ERBB4: variants seen among roughly 807,000 people sequenced by gnomAD.
ERBB4 encodes the protein erb-b2 receptor tyrosine kinase 4.
A neutral mutation model predicts 158.0 loss-of-function variants in ERBB4; 42 were observed. That is an observed-to-expected ratio of 0.27 (90% CI 0.21 to 0.34). The LOEUF is 0.34. Among genes scored for constraint, ERBB4 ranks in the 10% least tolerant of loss-of-function variants. ERBB4 has a pLI of 1.00. For missense variants in ERBB4, 1,333 were observed against 1,624.1 expected, an observed-to-expected ratio of 0.82 and a Z score of 3.08; for synonymous variants, 583 against 558.7, an observed-to-expected ratio of 1.04 and a Z score of -0.61.
rs1559409127 is a variant in ERBB4, at chr2:211,678,314, CA to C, written c.1622+737del. 6.6e-3 allele frequency among the ~76,000 whole-genome samples: 114 copies of C among 17,234 alleles called. 1 individual carries two copies. Among genetic ancestry groups the C allele is most frequent in the African/African-American group, 0.018 (107 of 6,002 alleles). The allele number at this position is 17,234 out of a possible 152,430, so 11.3% of individuals were successfully genotyped here. ...AAACAAACAAACAAAAAAAAACAAA[CA>C]AACAAAAAAAAAAAAACAAGAAAAC... On this transcript the variant is annotated intron_variant, in intron 13 of 27. Transcript: ENST00000342788.
chr2:212,241,887 G>T (rs2084120502), intron 1 of ERBB4, among the ~76,000 whole-genome samples: 1 of 151,472 alleles, frequency 6.6e-6, no homozygotes, highest in African/African-American at 2.4e-5. Flanking sequence ...TTAATAACAA[G>T]ATGATCTAAA....
intron 3 of ERBB4, among the ~76,000 whole-genome samples, chr2:211,870,009 C>T (rs1449011590): frequency 6.6e-6 from 1 of 152,124 alleles, no homozygotes; most frequent in Non-Finnish European, 1.5e-5. Flanking sequence ...AGTAAGACTT[C>T]ACTGTCCTCC....
At chr2:212,165,909 A>T (rs1482907896) in intron 1 of ERBB4, among the ~76,000 whole-genome samples, 9 of 152,098 alleles carry the variant, frequency 5.9e-5, no homozygotes, top group Non-Finnish European at 1.3e-4. Context: ...TTTTTTCATA[A>T]CACTTTAATT....
chr2:212,083,948 C>T (rs1038913270), intron 2 of ERBB4, among the ~76,000 whole-genome samples: 3 of 148,010 alleles, frequency 2.0e-5, no homozygotes, highest in African/African-American at 7.4e-5. Flanking sequence ...AGATCCACTA[C>T]AACCTGCCTA....
rs374912767 is a variant in ERBB4, at chr2:212,076,342, T to C, written c.234+48410A>G. On this transcript the variant is annotated intron_variant, in intron 2 of 27. Transcript: ENST00000342788. ...AGTGTTAGATCATGAGAGAGATAAA[T>C]ATTGAATAAGACAGATGTTTTAATC... Among the ~76,000 whole-genome samples, 50 of 152,106 alleles carry C rather than the reference T, an allele frequency of 3.3e-4. 2 individuals are homozygous for C. In the South Asian group the frequency reaches 0.01, roughly 31 times the overall value.
intron 20 of ERBB4, among the ~76,000 whole-genome samples, chr2:211,559,576 T>G (rs891282150): frequency 2.0e-5 from 3 of 152,206 alleles, no homozygotes; most frequent in African/African-American, 7.2e-5. Flanking sequence ...TGCCTAAATA[T>G]TATTCTCATA....
intron 1 of ERBB4, among the ~76,000 whole-genome samples, chr2:212,419,697 G>T (rs1574884653): frequency 6.6e-6 from 1 of 151,712 alleles, no homozygotes; most frequent in African/African-American, 2.4e-5. Flanking sequence ...CTACTGTTGT[G>T]AGGAATGAAA....
At chr2:211,581,786 C>T (rs937505963) in intron 19 of ERBB4, among the ~76,000 whole-genome samples, 1 of 151,940 alleles carries the variant, frequency 6.6e-6, no homozygotes, top group African/African-American at 2.4e-5. Context: ...CTGAGGCAGG[C>T]AGATCACGAG....
At chr2:211,623,022 TATATATATATATATATATATATAA>T (rs1171901511) in intron 18 of ERBB4, among the ~76,000 whole-genome samples, 12 of 73,380 alleles carry the variant, frequency 1.6e-4, no homozygotes, top group African/African-American at 1.0e-3. Flanking sequence ...TATATATATA[TATATATATATATATATATATATAA>T]AATGCCAAAG....
intron 2 of ERBB4, among the ~76,000 whole-genome samples, chr2:212,049,844 C>T (rs575071785): frequency 2.0e-5 from 3 of 152,142 alleles, no homozygotes; most frequent in Non-Finnish European, 4.4e-5. Flanking sequence ...AACGATTCCA[C>T]CATAATTTGC....
chr2:212,392,162 C>T (rs574428479), intron 1 of ERBB4, among the ~76,000 whole-genome samples: 3 of 151,814 alleles, frequency 2.0e-5, no homozygotes, highest in Non-Finnish European at 4.4e-5. Context: ...CTCTGTTTCT[C>T]CTAATCCATA....
chr2:212,424,703 T>G (rs772746209), intron 1 of ERBB4, among the ~76,000 whole-genome samples: 20 of 147,152 alleles, frequency 1.4e-4, no homozygotes, highest in Non-Finnish European at 2.7e-4. Context: ...GATTAACAAA[T>G]TTTTTTTTGT....
chr2:212,307,310 T>C (rs2086846209), intron 1 of ERBB4, among the ~76,000 whole-genome samples: 1 of 150,910 alleles, frequency 6.6e-6, no homozygotes, highest in African/African-American at 2.4e-5. Flanking sequence ...GTAGTTCCTC[T>C]GACTAAATAC....
At chr2:211,744,179 A>G (rs2074887662) in intron 5 of ERBB4, among the ~76,000 whole-genome samples, 1 of 152,228 alleles carries the variant, frequency 6.6e-6, no homozygotes, top group Admixed American at 6.5e-5. Context: ...TATAGCCTGA[A>G]CATAATTAAA....
chr2:212,469,795 T>C (rs1392522214), intron 1 of ERBB4, among the ~76,000 whole-genome samples: 1 of 152,138 alleles, frequency 6.6e-6, no homozygotes, highest in Non-Finnish European at 1.5e-5. Flanking sequence ...CTTAATCTTT[T>C]TTTCCACAAC....
chr2:212,134,014 T>G (rs942253840), intron 1 of ERBB4, among the ~76,000 whole-genome samples: 2 of 152,146 alleles, frequency 1.3e-5, no homozygotes, highest in African/African-American at 4.8e-5. Flanking sequence ...TAGGATAATT[T>G]TTTTCAATTG....
At chr2:211,541,591 A>G (rs1166333612) in intron 20 of ERBB4, among the ~76,000 whole-genome samples, 1 of 152,010 alleles carries the variant, frequency 6.6e-6, no homozygotes, top group Non-Finnish European at 1.5e-5. Flanking sequence ...AGGTTGTCTA[A>G]ATCCTTTTAT....
intron 2 of ERBB4, among the ~76,000 whole-genome samples, chr2:212,060,227 C>T (rs2077717179): frequency 6.6e-6 from 1 of 152,176 alleles, no homozygotes; most frequent in South Asian, 2.1e-4. Context: ...CATGACTGGC[C>T]ATCAGAGAAA....
rs574242445 is a variant in ERBB4, at chr2:212,067,542, A to G, written c.234+57210T>C. On this transcript the variant is annotated intron_variant, in intron 2 of 27. Coordinates refer to ENST00000342788, the MANE Select transcript of ERBB4 (RefSeq NM_005235.3). Reference sequence around the variant, plus strand: ...ACTGTTCCTGAAGTCCTACAGGCCAAAACTGGACAGCATTATGTAAACTTC... The same window carrying G: ...ACTGTTCCTGAAGTCCTACAGGCCAGAACTGGACAGCATTATGTAAACTTC... 2.0e-5 allele frequency among the ~76,000 whole-genome samples: 3 copies of G among 152,164 alleles called. No individual in the cohort carries two copies. The East Asian group carries it at 5.8e-4, about 29-fold the overall frequency.
Sources: gnomAD v4.1 joint callset for allele counts (sites outside exome capture counted in the v4.1 genomes callset) on GRCh38, gnomAD v4.1.1 for gene constraint, MANE v1.5 for transcripts, NCBI Gene and HGNC (gene_info 2026-07-23, HGNC 2026-07-21) for gene names.